The following HOPX variants were observed in gnomAD, a reference collection of about 807,000 sequenced individuals.
HOPX encodes HOP homeobox, also known as homeodomain-only protein.
HOPX carries 5 observed loss-of-function variants against 11.8 expected under a neutral mutation model. The observed-to-expected ratio is 0.43, with a 90% CI of 0.22 to 0.89. HOPX has a LOEUF of 0.89. HOPX is among the 40% of genes least tolerant of loss of function. The probability of loss-of-function intolerance (pLI) is 0.28; values close to 1 mark genes in which losing one functional copy is unlikely to be tolerated. For missense variants in HOPX, 119 were observed against 120.0 expected (o/e 0.99, Z 0.04); for synonymous variants, 49 against 49.7 (o/e 0.99, Z 0.06).
chr4:56,675,115 C>A (rs1468264178), intron 1 of HOPX, among the ~76,000 whole-genome samples: 5 of 151,462 alleles, frequency 3.3e-5, no homozygotes, highest in Non-Finnish European at 7.4e-5. Flanking sequence ...TCCTTGAATG[C>A]CCGACATTTA....
In HOPX at chr4:56,650,635, G is replaced by A. The variant is rs1460460331; in HGVS notation, c.199-1838C>T. On this transcript the variant is annotated intron_variant, in intron 3 of 3. Transcript: ENST00000420433. ...CTACACCTCACCCACCTGTACAGCA[G>A]AGTTTACACACTGAAATCCTTTACA... 4 of 1,546,100 alleles carry A rather than the reference G, an allele frequency of 2.6e-6. No homozygotes were observed. The African/African-American group carries it at 5.5e-5, about 21-fold the overall frequency.
chr4:56,677,480 C>G (rs776323487), intron 1 of HOPX, among the ~76,000 whole-genome samples: 6 of 151,692 alleles, frequency 4.0e-5, no homozygotes, highest in Non-Finnish European at 7.3e-5. Context: ...AACCTACTTA[C>G]TATACCAGGG....
intron 3 of HOPX, 80 bp from the exon 4 acceptor site, chr4:56,648,877 C>G (rs1328390281): frequency 9.2e-7 from 1 of 1,092,222 alleles, no homozygotes; most frequent in Non-Finnish European, 1.4e-6. Context: ...AAGGTAGCCT[C>G]TGTGGCACAA....
At chr4:56,650,512 A>T in intron 3 of HOPX, 1 of 625,068 alleles carries the variant, frequency 1.6e-6, no homozygotes. Flanking sequence ...AGCAAGGCCT[A>T]GAGGAGAGGC....
At chr4:56,680,962 A>G in intron 1 of HOPX, 3 of 923,904 alleles carry the variant, frequency 3.2e-6, no homozygotes, top group Non-Finnish European at 3.9e-6. Flanking sequence ...TATCTTTCCA[A>G]AATAGAAGCG....
chr4:56,653,258 T>G (rs764422191), intron 3 of HOPX, among the ~76,000 whole-genome samples: 1 of 152,126 alleles, frequency 6.6e-6, no homozygotes, highest in Non-Finnish European at 1.5e-5. Flanking sequence ...CGTCTTGCCA[T>G]GTTGCCCAGG....
chr4:56,665,664 G>T (rs1025389137), intron 1 of HOPX: 2 of 152,250 alleles, frequency 1.3e-5, no homozygotes, highest in South Asian at 4.2e-4. Flanking sequence ...TGTGTGCCAG[G>T]TCCTGTCTAA....
At chr4:56,656,871 G>T (rs940057197) in intron 2 of HOPX, among the ~76,000 whole-genome samples, 1 of 152,184 alleles carries the variant, frequency 6.6e-6, no homozygotes, top group South Asian at 2.1e-4. Context: ...CAAAGAGCCT[G>T]CCTCACTGTG....
intron 1 of HOPX, among the ~76,000 whole-genome samples, chr4:56,672,172 T>G (rs1186846602): frequency 6.6e-6 from 1 of 152,126 alleles, no homozygotes; most frequent in Admixed American, 6.5e-5. Flanking sequence ...ACATTTCATT[T>G]GCTTTTTCTG....
At chr4:56,654,826 A>C (rs1717520305) in intron 3 of HOPX, among the ~76,000 whole-genome samples, 1 of 152,178 alleles carries the variant, frequency 6.6e-6, no homozygotes. Flanking sequence ...CTGGTATATA[A>C]AATAGGAAAA....
chr4:56,655,224 A>T (rs12501564), intron 3 of HOPX, among the ~76,000 whole-genome samples: 3,015 of 152,294 alleles, frequency 0.02, 58 homozygotes, highest in South Asian at 0.11. Context: ...GGAATTTTTT[A>T]AAAAATCGGA....
intron 3 of HOPX, among the ~76,000 whole-genome samples, chr4:56,651,593 A>C (rs976827873): frequency 1.3e-5 from 2 of 152,206 alleles, no homozygotes; most frequent in African/African-American, 4.8e-5. Flanking sequence ...CTGAATAAAC[A>C]GATGATAATT....
At chr4:56,665,901 T>C (rs1386098550) in intron 1 of HOPX, among the ~76,000 whole-genome samples, 2 of 152,140 alleles carry the variant, frequency 1.3e-5, no homozygotes, top group African/African-American at 2.4e-5. Context: ...CACTACACCA[T>C]CTTTCCTCTT....
chr4:56,671,960 G>A (rs1718757515), intron 1 of HOPX, among the ~76,000 whole-genome samples: 1 of 152,028 alleles, frequency 6.6e-6, no homozygotes, highest in Admixed American at 6.5e-5. Context: ...AGGATTCCAT[G>A]AGATGGATTA....
chr4:56,681,508 T>C, upstream of HOPX: 1 of 998,888 alleles, frequency 1.0e-6, no homozygotes, highest in South Asian at 4.7e-5. Context: ...GAGAGTCTCA[T>C]GGAACTTTCT....
chr4:56,674,023 A>T (rs562531724), intron 1 of HOPX, among the ~76,000 whole-genome samples: 2 of 151,614 alleles, frequency 1.3e-5, no homozygotes, highest in East Asian at 3.9e-4. Flanking sequence ...ACTATTGTTT[A>T]GTCAACTATT....
intron 1 of HOPX, among the ~76,000 whole-genome samples, chr4:56,667,357 A>G (rs1718491893): frequency 6.6e-6 from 1 of 152,218 alleles, no homozygotes; most frequent in African/African-American, 2.4e-5. Context: ...TGACAAATCT[A>G]GCCTCTTCTC....
chr4:56,659,726 A>T (rs1176407153), intron 1 of HOPX, among the ~76,000 whole-genome samples: 1 of 152,232 alleles, frequency 6.6e-6, no homozygotes, highest in Non-Finnish European at 1.5e-5. Context: ...AGACACAAAA[A>T]GTATTTCAGC....
intron 1 of HOPX, chr4:56,663,936 T>G (rs763919147): frequency 3.9e-5 from 6 of 152,184 alleles, no homozygotes; most frequent in Non-Finnish European, 7.4e-5. Flanking sequence ...TTGGAATTAA[T>G]GTAGAAAAAA....
Sources: allele counts gnomAD v4.1 joint callset (sites outside exome capture counted in the v4.1 genomes callset), GRCh38; gene constraint gnomAD v4.1.1; transcripts MANE v1.5; gene names NCBI Gene and HGNC (gene_info 2026-07-23, HGNC 2026-07-21).